Variants in PTPRD observed in about 807,000 individuals in gnomAD.
PTPRD encodes the protein receptor-type tyrosine-protein phosphatase delta.
In PTPRD, 34 loss-of-function variants were observed where a neutral mutation model predicts 214.5. The observed-to-expected ratio is 0.16, with a 90% CI of 0.12 to 0.21. The LOEUF is 0.21. PTPRD is among the 10% of genes least tolerant of loss of function. The pLI is 1.00. For missense variants in PTPRD, 2,545 were observed against 2,398.7 expected (o/e 1.06, Z -1.27); for synonymous variants, 1,128 against 845.7 (o/e 1.33, Z -5.79).
intron 9 of PTPRD, among the ~76,000 whole-genome samples, chr9:9,204,695 C>T (rs1039784431): frequency 3.9e-5 from 6 of 152,250 alleles, no homozygotes; most frequent in Admixed American, 3.9e-4. Context: ...TTAAATGCAA[C>T]TGAAAAGAAC....
rs2135934435 is a variant in PTPRD at position 8,485,985 on chromosome 9, C to A, written c.2832G>T (p.Leu944=). ...TGGTGATAATGCCATTTCTCTCTGC[C>A]AGGACAGGTGGTTGCCAAGATAACT... is the stretch of plus-strand genomic sequence containing the variant. The part of the protein sequence containing the change: ...SVQLSWQPPV[L]AERNGIITKY... Residue 944 remains leucine, a synonymous_variant, in exon 28 of 46, where the codon CTG becomes CTT. Coordinates refer to ENST00000381196, the MANE Select transcript of PTPRD (RefSeq NM_002839.4). 1 of 1,614,146 alleles carries A rather than the reference C, an allele frequency of 6.2e-7. No individual in the cohort carries two copies. The highest frequency in any genetic ancestry group is 8.5e-7 in the Non-Finnish European group (1 of 1,180,026).
intron 12 of PTPRD, among the ~76,000 whole-genome samples, chr9:8,697,675 G>GCTT (rs2097952784): frequency 6.6e-6 from 1 of 151,520 alleles, no homozygotes; most frequent in African/African-American, 2.4e-5. Flanking sequence ...CACCTGCCTT[G>GCTT]GCCTCTCAAA....
intron 5 of PTPRD, among the ~76,000 whole-genome samples, chr9:9,836,612 A>G (rs1289146495): frequency 6.6e-6 from 1 of 152,150 alleles, no homozygotes; most frequent in Non-Finnish European, 1.5e-5. Flanking sequence ...TCCTCTTCAA[A>G]GGATGCAGAG....
chr9:8,662,750 C>G (rs2097089916), intron 12 of PTPRD, among the ~76,000 whole-genome samples: 1 of 152,188 alleles, frequency 6.6e-6, no homozygotes, highest in South Asian at 2.1e-4. Context: ...TTGTGATTCT[C>G]AAACTTTTAT....
At chr9:8,764,744 G>A (rs1026437998) in intron 11 of PTPRD, among the ~76,000 whole-genome samples, 9 of 151,744 alleles carry the variant, frequency 5.9e-5, no homozygotes, top group Non-Finnish European at 8.8e-5. Flanking sequence ...GCAGTGAGCC[G>A]AGATTGCCCC....
At chr9:10,371,281 G>A (rs1535658) in intron 2 of PTPRD, among the ~76,000 whole-genome samples, 108,706 of 151,792 alleles carry the variant, frequency 0.72, 39,161 homozygotes, top group East Asian at 0.84. Context: ...AACCAATATA[G>A]TATAGTGACA....
intron 36 of PTPRD, among the ~76,000 whole-genome samples, chr9:8,403,501 C>A (rs1159404195): frequency 6.6e-6 from 1 of 152,146 alleles, no homozygotes; most frequent in Non-Finnish European, 1.5e-5. Context: ...CTTTCCAATC[C>A]AATGTGCTCC....
intron 36 of PTPRD, among the ~76,000 whole-genome samples, chr9:8,390,017 G>C (rs1340101058): frequency 2.6e-5 from 4 of 152,112 alleles, no homozygotes; most frequent in Non-Finnish European, 5.9e-5. Context: ...TAGGCTACTC[G>C]TATGTGTCTT....
At chr9:8,959,600 T>G (rs995844926) in intron 11 of PTPRD, among the ~76,000 whole-genome samples, 10 of 151,998 alleles carry the variant, frequency 6.6e-5, no homozygotes, top group African/African-American at 2.4e-4. Flanking sequence ...TATCAGAAGA[T>G]TAACATGATT....
intron 8 of PTPRD, among the ~76,000 whole-genome samples, chr9:9,535,935 G>C (rs922178475): frequency 1.3e-5 from 2 of 151,988 alleles, no homozygotes; most frequent in African/African-American, 4.8e-5. Context: ...TTCGCTATTT[G>C]AATATGCTTG....
intron 4 of PTPRD, among the ~76,000 whole-genome samples, chr9:9,957,883 G>T (rs1159245718): frequency 1.4e-5 from 2 of 139,380 alleles, no homozygotes; most frequent in African/African-American, 5.3e-5. Context: ...GACAGGGTGA[G>T]AAAAAAAAAA....
intron 3 of PTPRD, among the ~76,000 whole-genome samples, chr9:10,043,876 G>T (rs1481517473): frequency 1.3e-5 from 2 of 151,920 alleles, no homozygotes; most frequent in East Asian, 3.9e-4. Context: ...ATGACTTGCA[G>T]TTCCAAAACA....
intron 5 of PTPRD, among the ~76,000 whole-genome samples, chr9:9,900,078 C>A (rs557279764): frequency 1.3e-5 from 2 of 152,216 alleles, no homozygotes; most frequent in African/African-American, 4.8e-5. Context: ...GAGTGAAACA[C>A]TTAATATCAT....
chr9:9,023,665 T>TC (rs1051232214), intron 10 of PTPRD, among the ~76,000 whole-genome samples: 1 of 151,736 alleles, frequency 6.6e-6, no homozygotes, highest in Non-Finnish European at 1.5e-5. Flanking sequence ...CCGCTCTCCC[T>TC]CCCCCGTCTA....
At chr9:9,021,885 T>G (rs1307502600) in intron 10 of PTPRD, among the ~76,000 whole-genome samples, 1 of 152,012 alleles carries the variant, frequency 6.6e-6, no homozygotes, top group African/African-American at 2.4e-5. Flanking sequence ...GTCAAAAAGT[T>G]TTAAAAAGTT....
intron 9 of PTPRD, among the ~76,000 whole-genome samples, chr9:9,297,500 A>G (rs1383043303): frequency 6.6e-6 from 1 of 151,664 alleles, no homozygotes; most frequent in Non-Finnish European, 1.5e-5. Context: ...AAGTATTTAT[A>G]CTTATTAAAT....
intron 2 of PTPRD, among the ~76,000 whole-genome samples, chr9:10,545,561 A>G (rs1242051735): frequency 6.6e-6 from 1 of 152,162 alleles, no homozygotes; most frequent in Non-Finnish European, 1.5e-5. Context: ...TCCAGGTAAT[A>G]TTGTCCTTCC....
At chr9:8,331,789 C>CAGCAAGCATA (rs1563999616) in intron 43 of PTPRD, 53 bp from the exon 44 acceptor site, 10 of 1,519,346 alleles carry the variant, frequency 6.6e-6, no homozygotes, top group Non-Finnish European at 7.9e-6. Flanking sequence ...CAGGAGGATT[C>CAGCAAGCATA]AGCAAGCATA....
chr9:9,661,570 T>C (rs887263377), intron 7 of PTPRD, among the ~76,000 whole-genome samples: 3 of 151,840 alleles, frequency 2.0e-5, no homozygotes, highest in African/African-American at 7.2e-5. Flanking sequence ...CTATACAGAA[T>C]TTTCATATAT....
Sources: allele counts gnomAD v4.1 joint callset (sites outside exome capture counted in the v4.1 genomes callset), GRCh38; gene constraint gnomAD v4.1.1; transcripts MANE v1.5; gene names NCBI Gene and HGNC (gene_info 2026-07-23, HGNC 2026-07-21).